ANKS1B: variants seen among roughly 807,000 people sequenced by gnomAD.
ANKS1B encodes the protein ankyrin repeat and sterile alpha motif domain-containing protein 1B.
In ANKS1B, 36 loss-of-function variants were observed where a neutral mutation model predicts 148.3. The ratio of observed to expected loss-of-function variants is 0.24; its 90% CI spans 0.19 to 0.32. The LOEUF is 0.32. Among genes scored for constraint, ANKS1B ranks in the 10% least tolerant of loss-of-function variants. ANKS1B has a pLI of 1.00. For missense variants in ANKS1B, 1,157 were observed against 1,542.6 expected (o/e 0.75, Z 4.19); for synonymous variants, 542 against 560.8 (o/e 0.97, Z 0.47).
At chr12:99,731,269 C>T (rs2059119597) in intron 8 of ANKS1B, among the ~76,000 whole-genome samples, 1 of 152,160 alleles carries the variant, frequency 6.6e-6, no homozygotes, top group African/African-American at 2.4e-5. Flanking sequence ...GAAGCGCACG[C>T]CACCACACCC....
intron 14 of ANKS1B, among the ~76,000 whole-genome samples, chr12:99,192,315 T>G (rs1270292805): frequency 6.6e-6 from 1 of 152,106 alleles, no homozygotes; most frequent in Non-Finnish European, 1.5e-5. Context: ...TATTTTCAGT[T>G]CAATACTTTG....
intron 15 of ANKS1B, among the ~76,000 whole-genome samples, chr12:99,114,611 G>C (rs1454798106): frequency 6.6e-6 from 1 of 152,054 alleles, no homozygotes; most frequent in Admixed American, 6.5e-5. Flanking sequence ...AATTAGCTGG[G>C]CGTGGTGGCA....
chr12:99,188,763 C>A (rs960518611), intron 14 of ANKS1B, among the ~76,000 whole-genome samples: 3 of 152,088 alleles, frequency 2.0e-5, no homozygotes, highest in African/African-American at 7.2e-5. Flanking sequence ...AAAATCAATA[C>A]CCTAACATCA....
chr12:99,412,746 C>T (rs1308118923), intron 11 of ANKS1B, among the ~76,000 whole-genome samples: 1 of 152,194 alleles, frequency 6.6e-6, no homozygotes, highest in African/African-American at 2.4e-5. Flanking sequence ...ATCCACTCAG[C>T]TTTATCAGTT....
At chr12:98,823,744 G>A (rs2099221469) in intron 19 of ANKS1B, among the ~76,000 whole-genome samples, 1 of 152,230 alleles carries the variant, frequency 6.6e-6, no homozygotes, top group Non-Finnish European at 1.5e-5. Flanking sequence ...CGCCCGCTTT[G>A]GCCTCCCAAA....
At chr12:99,765,712 A>C (rs2062579320) in intron 8 of ANKS1B, among the ~76,000 whole-genome samples, 1 of 152,198 alleles carries the variant, frequency 6.6e-6, no homozygotes, top group Admixed American at 6.5e-5. Context: ...TTCACTAGAG[A>C]AATCCCCTCT....
intron 1 of ANKS1B, among the ~76,000 whole-genome samples, chr12:99,925,788 A>C (rs2094465001): frequency 6.6e-6 from 1 of 152,236 alleles, no homozygotes; most frequent in Non-Finnish European, 1.5e-5. Context: ...ACCTAACAGA[A>C]AGTTAATACA....
At chr12:99,542,516 TATAAAAAAAATCCG>T (rs1305056469) in intron 9 of ANKS1B, among the ~76,000 whole-genome samples, 1 of 128,360 alleles carries the variant, frequency 7.8e-6, no homozygotes, top group East Asian at 2.2e-4. Flanking sequence ...TCAAAATCCC[TATAAAAAAAATCCG>T]TGGTGCTTTT....
At chr12:99,289,638 C>T (rs2079630754) in intron 12 of ANKS1B, among the ~76,000 whole-genome samples, 2 of 151,784 alleles carry the variant, frequency 1.3e-5, no homozygotes, top group Non-Finnish European at 2.9e-5. Flanking sequence ...TATACAAACA[C>T]ATGGAAATTA....
At chr12:98,886,450 T>C (rs1596278122) in intron 17 of ANKS1B, among the ~76,000 whole-genome samples, 1 of 152,190 alleles carries the variant, frequency 6.6e-6, no homozygotes, top group South Asian at 2.1e-4. Flanking sequence ...GAGATGAAAA[T>C]GACAACAGAT....
At chr12:99,463,102 A>C (rs891531355) in intron 10 of ANKS1B, among the ~76,000 whole-genome samples, 2 of 152,206 alleles carry the variant, frequency 1.3e-5, no homozygotes, top group African/African-American at 4.8e-5. Flanking sequence ...TCACACGGTG[A>C]AAAAAATACC....
At chr12:98,881,346 A>AT (rs1284580436) in intron 17 of ANKS1B, among the ~76,000 whole-genome samples, 1 of 152,172 alleles carries the variant, frequency 6.6e-6, no homozygotes. Flanking sequence ...AGCAAGAGCT[A>AT]TATTTTATTG....
At chr12:98,948,946 A>ATTTTTTTTT (rs1567958669) in intron 17 of ANKS1B, among the ~76,000 whole-genome samples, 2 of 89,176 alleles carry the variant, frequency 2.2e-5, no homozygotes, top group African/African-American at 8.1e-5. Flanking sequence ...AGCATGAGCT[A>ATTTTTTTTT]CTTTTTTTTT....
intron 9 of ANKS1B, among the ~76,000 whole-genome samples, chr12:99,548,444 G>A (rs1388682170): frequency 7.2e-5 from 11 of 152,030 alleles, no homozygotes; most frequent in Non-Finnish European, 1.6e-4. Context: ...AGAGAGATGG[G>A]CAGGACTATG....
At chr12:99,053,392 AT>A in intron 16 of ANKS1B, 83 bp from the exon 17 acceptor site, 3 of 1,108,942 alleles carry the variant, frequency 2.7e-6, no homozygotes, top group Non-Finnish European at 3.6e-6. Flanking sequence ...TTGAAAATTT[AT>A]TTGACATGAA....
At chr12:99,630,007 C>T (rs1043870779) in intron 9 of ANKS1B, among the ~76,000 whole-genome samples, 1 of 151,974 alleles carries the variant, frequency 6.6e-6, no homozygotes, top group Non-Finnish European at 1.5e-5. Context: ...TTAAAAAATC[C>T]TAGGTGTATT....
chr12:99,962,083 T>A (rs1427013399), intron 1 of ANKS1B, among the ~76,000 whole-genome samples: 1 of 152,192 alleles, frequency 6.6e-6, no homozygotes, highest in Non-Finnish European at 1.5e-5. Context: ...TGTTTTTTTT[T>A]AATTTTACTT....
intron 11 of ANKS1B, among the ~76,000 whole-genome samples, chr12:99,422,564 C>T (rs1490230340): frequency 6.6e-6 from 1 of 151,902 alleles, no homozygotes; most frequent in Non-Finnish European, 1.5e-5. Context: ...ATGAAGTGTC[C>T]AAGTCAGAAG....
intron 15 of ANKS1B, among the ~76,000 whole-genome samples, chr12:99,135,982 T>C (rs1431775521): frequency 1.3e-5 from 2 of 152,036 alleles, no homozygotes; most frequent in African/African-American, 4.8e-5. Context: ...AGGAAAAATG[T>C]AGATCAGAAA....
Sources: gnomAD v4.1 joint callset for allele counts (sites outside exome capture counted in the v4.1 genomes callset) on GRCh38, gnomAD v4.1.1 for gene constraint, MANE v1.5 for transcripts, NCBI Gene and HGNC (gene_info 2026-07-23, HGNC 2026-07-21) for gene names.